Variants in MAGI1 observed in about 807,000 individuals in gnomAD.
The protein encoded by MAGI1 is membrane-associated guanylate kinase, WW and PDZ domain-containing protein 1.
Under a neutral mutation model 139.9 loss-of-function variants are expected in MAGI1, and 58 were observed. The ratio of observed to expected loss-of-function variants is 0.41; its 90% CI spans 0.34 to 0.52. MAGI1 has a LOEUF of 0.52. Ranked by LOEUF, MAGI1 falls within the 20% of genes least tolerant of loss-of-function variation. The pLI is 0.12. For missense variants in MAGI1, 1,874 were observed against 1,901.6 expected (o/e 0.99, Z 0.27); for synonymous variants, 812 against 737.9 (o/e 1.10, Z -1.63).
At chr3:65,615,032 AAAAG>A (rs1400293410) in intron 2 of MAGI1, among the ~76,000 whole-genome samples, 4 of 151,802 alleles carry the variant, frequency 2.6e-5, no homozygotes, top group African/African-American at 4.8e-5. Flanking sequence ...CAAAAAAAAA[AAAAG>A]AAAGAAAGAA....
At chr3:65,712,116 C>T (rs1470484745) in intron 1 of MAGI1, among the ~76,000 whole-genome samples, 1 of 152,152 alleles carries the variant, frequency 6.6e-6, no homozygotes, top group Admixed American at 6.5e-5. Flanking sequence ...TGTTACACTC[C>T]TCCCATTGAA....
intron 1 of MAGI1, among the ~76,000 whole-genome samples, chr3:65,932,636 G>A (rs1331541177): frequency 6.6e-6 from 1 of 152,170 alleles, no homozygotes; most frequent in African/African-American, 2.4e-5. Context: ...TTTCCAGGAA[G>A]CTAAACCACA....
chr3:65,794,428 G>C (rs922440526), intron 1 of MAGI1, among the ~76,000 whole-genome samples: 2 of 152,218 alleles, frequency 1.3e-5, no homozygotes, highest in African/African-American at 4.8e-5. Context: ...CAGTGACTAA[G>C]ACTGCGCCCA....
intron 1 of MAGI1, among the ~76,000 whole-genome samples, chr3:65,772,009 C>T (rs376648902): frequency 6.6e-6 from 1 of 152,086 alleles, no homozygotes. Context: ...AAGACAAGCC[C>T]GGCCAAGATG....
At chr3:65,416,622 T>C (rs544786406) in intron 12 of MAGI1, among the ~76,000 whole-genome samples, 9 of 152,324 alleles carry the variant, frequency 5.9e-5, no homozygotes, top group Middle Eastern at 3.4e-3. Context: ...TTATTGCATA[T>C]GGTGAGGAAC....
intron 2 of MAGI1, among the ~76,000 whole-genome samples, chr3:65,542,901 G>T (rs1295615473): frequency 6.6e-6 from 1 of 152,132 alleles, no homozygotes; most frequent in East Asian, 1.9e-4. Flanking sequence ...ATTGACAAAT[G>T]GGATCTAATT....
At chr3:65,873,419 G>A (rs1415539807) in intron 1 of MAGI1, 1 of 152,180 alleles carries the variant, frequency 6.6e-6, no homozygotes, top group African/African-American at 2.4e-5. Flanking sequence ...AATTCCTACT[G>A]CTTATTTTCT....
intron 2 of MAGI1, among the ~76,000 whole-genome samples, chr3:65,522,330 T>C (rs2078200508): frequency 6.6e-6 from 1 of 152,192 alleles, no homozygotes; most frequent in African/African-American, 2.4e-5. Context: ...AGGACTAGTG[T>C]TCTATAAGCA....
Position 65,448,019 on chromosome 3 carries a change from T to G in MAGI1, c.1078+3A>C. 2 of 1,614,086 alleles carry G rather than the reference T, an allele frequency of 1.2e-6. No homozygotes were observed. The highest frequency in any genetic ancestry group is 1.7e-6 in the Non-Finnish European group (2 of 1,179,972). The stretch of plus-strand genomic sequence containing the variant: ...GCAGCAGCAGCAGGCAGGGAGGGTT[T>G]ACCTAGTTCACTGTCCAGCTCCTCG... On this transcript the variant is annotated splice_donor_region_variant and intron_variant, in intron 7 of 22. Transcript: ENST00000402939.
chr3:65,658,137 T>C (rs1260780684), intron 1 of MAGI1, among the ~76,000 whole-genome samples: 2 of 152,276 alleles, frequency 1.3e-5, no homozygotes, highest in East Asian at 3.9e-4. Context: ...GAATGAGCCT[T>C]AATGCTGAAA....
chr3:65,890,412 C>T (rs1423974427), intron 1 of MAGI1, among the ~76,000 whole-genome samples: 2 of 152,160 alleles, frequency 1.3e-5, no homozygotes, highest in Non-Finnish European at 2.9e-5. Context: ...GCCTTCCCAA[C>T]TCACACACAG....
chr3:65,356,499 C>A lies in MAGI1; in HGVS notation c.4268G>T (p.Arg1423Ile). The change falls in exon 23 of 23, where the codon AGA becomes ATA. Residue 1423 changes from arginine to isoleucine, a missense_variant. Arg to Ile is a moderately conservative substitution (Grantham distance 97). Around this residue, in one of 5 missense-constraint regions of MAGI1, gnomAD observed 653 missense variants for 644.5 expected, o/e 1.01. Transcript: ENST00000402939. The part of the protein sequence containing the change: ...RSLDKRNRED[R>I]ASHREREEAN... Reference sequence around the variant, plus strand: ...CTCTTCCCTTTCTCGGTGGCTGGCTCTGTCCTCTCTGTTCCTTTTGTCCAG... The same window carrying A: ...CTCTTCCCTTTCTCGGTGGCTGGCTATGTCCTCTCTGTTCCTTTTGTCCAG... The A allele has an allele frequency of 6.2e-7, 1 of 1,610,602 alleles. No homozygotes were observed.
At chr3:65,408,686 T>A (rs1172505227) in intron 12 of MAGI1, among the ~76,000 whole-genome samples, 1 of 152,198 alleles carries the variant, frequency 6.6e-6, no homozygotes, top group East Asian at 1.9e-4. Context: ...TAATAGAGAA[T>A]ATATAAGCCA....
chr3:65,916,125 G>A (rs1174097270), intron 1 of MAGI1, among the ~76,000 whole-genome samples: 1 of 151,534 alleles, frequency 6.6e-6, no homozygotes, highest in African/African-American at 2.4e-5. Flanking sequence ...GGAGCGCAGT[G>A]GCACATTTTC....
intron 4 of MAGI1, among the ~76,000 whole-genome samples, chr3:65,478,194 C>T (rs1413324361): frequency 6.6e-6 from 1 of 151,980 alleles, no homozygotes; most frequent in African/African-American, 2.4e-5. Context: ...TGATAAAACA[C>T]ATTCTCATAT....
intron 12 of MAGI1, among the ~76,000 whole-genome samples, chr3:65,407,519 A>G (rs2107168594): frequency 6.6e-6 from 1 of 152,250 alleles, no homozygotes. Flanking sequence ...TGTTATATCA[A>G]TACGATGAAA....
At chr3:65,486,831 G>C (rs1951668595) in intron 3 of MAGI1, among the ~76,000 whole-genome samples, 1 of 152,146 alleles carries the variant, frequency 6.6e-6, no homozygotes, top group African/African-American at 2.4e-5. Context: ...TTTCAGGATG[G>C]AGTCCCTGCC....
At chr3:65,552,112 A>G (rs537550941) in intron 2 of MAGI1, among the ~76,000 whole-genome samples, 31 of 152,202 alleles carry the variant, frequency 2.0e-4, no homozygotes, top group Non-Finnish European at 3.4e-4. Context: ...AGTACACGGC[A>G]TTCCTGCTGA....
chr3:65,409,437 T>C (rs1242318675), intron 12 of MAGI1, among the ~76,000 whole-genome samples: 1 of 152,158 alleles, frequency 6.6e-6, no homozygotes, highest in African/African-American at 2.4e-5. Flanking sequence ...CATGCAATGA[T>C]TGATGCTTGA....
Sources: gnomAD v4.1 joint callset for allele counts (sites outside exome capture counted in the v4.1 genomes callset) on GRCh38, gnomAD v4.1.1 for gene constraint, gnomAD v4.1.1 regional missense constraint, MANE v1.5 for transcripts, NCBI Gene and HGNC (gene_info 2026-07-23, HGNC 2026-07-21) for gene names.